FLRT2: variants seen among roughly 807,000 people sequenced by gnomAD.
FLRT2 encodes fibronectin leucine rich transmembrane protein 2.
A neutral mutation model predicts 40.0 loss-of-function variants in FLRT2; 15 were observed. That is an observed-to-expected ratio of 0.38 (90% CI 0.25 to 0.58). FLRT2 has a LOEUF of 0.58. Among genes scored for constraint, FLRT2 ranks in the 20% least tolerant of loss-of-function variants. FLRT2 has a pLI of 0.71. For missense variants in FLRT2, 726 were observed against 840.0 expected, an observed-to-expected ratio of 0.86 and a Z score of 1.68; for synonymous variants, 380 against 336.8, an observed-to-expected ratio of 1.13 and a Z score of -1.41.
intron 1 of FLRT2, among the ~76,000 whole-genome samples, chr14:85,545,562 A>G (rs1034519403): frequency 1.5e-4 from 23 of 152,224 alleles, no homozygotes; most frequent in African/African-American, 5.1e-4. Flanking sequence ...CCAACTTTCT[A>G]TATTTGTCTT....
chr14:85,572,174 T>C (rs914834634), intron 1 of FLRT2, among the ~76,000 whole-genome samples: 2 of 152,196 alleles, frequency 1.3e-5, no homozygotes, highest in African/African-American at 2.4e-5. Context: ...TTTACTTAGA[T>C]CATAAACCTA....
intron 1 of FLRT2, among the ~76,000 whole-genome samples, chr14:85,555,706 A>ATTTTATTTTG (rs1566725173): frequency 2.5e-4 from 38 of 149,790 alleles, no homozygotes; most frequent in African/African-American, 8.8e-4. Flanking sequence ...ATTTTATTTT[A>ATTTTATTTTG]TTTTATTTTA....
intron 1 of FLRT2, among the ~76,000 whole-genome samples, chr14:85,611,915 A>ATCGT (rs1252817410): frequency 1.1e-5 from 1 of 94,824 alleles, no homozygotes; most frequent in Non-Finnish European, 2.4e-5. Context: ...CGTGCGCGAA[A>ATCGT]GCGTGTGTGT....
At position 85,630,601 on chromosome 14, in the gene FLRT2, T is replaced by G. The variant is rs2139384367; in HGVS notation, c.*7104T>G. On this transcript the variant is annotated 3_prime_UTR_variant, in exon 2 of 2. Coordinates refer to ENST00000330753, the MANE Select transcript of FLRT2 (RefSeq NM_013231.6). ...AAAAATCTTTCTTGGAAGCTGCTGG[T>G]TTTTAACCGTCAGCCTGGGCTCTTT... is the stretch of plus-strand genomic sequence containing the variant. 1 of 152,222 alleles carries G rather than the reference T, an allele frequency of 6.6e-6. No homozygotes were observed. Among genetic ancestry groups the G allele is most frequent in the South Asian group, 2.1e-4 (1 of 4,814 alleles). The allele number at this position is 152,222 out of a possible 1,614,324, so 9.4% of individuals were successfully genotyped here.
intron 1 of FLRT2, among the ~76,000 whole-genome samples, chr14:85,592,763 T>C (rs1038311370): frequency 8.1e-6 from 1 of 123,238 alleles, no homozygotes; most frequent in Non-Finnish European, 1.6e-5. Flanking sequence ...CACTCCAGCC[T>C]GGGTGACAGG....
At chr14:85,580,716 G>A (rs1310763245) in intron 1 of FLRT2, among the ~76,000 whole-genome samples, 1 of 144,546 alleles carries the variant, frequency 6.9e-6, no homozygotes, top group Non-Finnish European at 1.5e-5. Context: ...CAGGTCATGT[G>A]GGCTGGTGAG....
intron 1 of FLRT2, among the ~76,000 whole-genome samples, chr14:85,557,938 G>A (rs1890075018): frequency 1.3e-5 from 2 of 152,156 alleles, no homozygotes; most frequent in African/African-American, 2.4e-5. Flanking sequence ...TGTAGAAATG[G>A]TCAAACTGGG....
chr14:85,651,569 T>A lies in FLRT2; in HGVS notation c.*28072T>A, dbSNP rs570247534. On this transcript the variant is annotated 3_prime_UTR_variant, in exon 2 of 2. Coordinates refer to ENST00000330753, the MANE Select transcript of FLRT2 (RefSeq NM_013231.6). ...AAGATTTTAGAATACTTAACGTATG[T>A]TTTCTAATTAAGCAGTGACCCACTT... 1.9e-4 allele frequency: 29 copies of A among 152,244 alleles called. No homozygotes were observed. In the South Asian group the frequency reaches 5.4e-3, roughly 28 times the overall value. 9.4% of individuals were successfully genotyped at this position (152,244 alleles called of 1,614,324 possible). A position where few individuals can be genotyped will look rare whatever the true frequency, so the allele number is the denominator to read the frequency against.
chr14:85,559,716 C>T (rs550286934), intron 1 of FLRT2, among the ~76,000 whole-genome samples: 74 of 152,218 alleles, frequency 4.9e-4, no homozygotes, highest in Non-Finnish European at 4.4e-5. Context: ...AAGGGAGGCT[C>T]ACAGAGATAC....
In FLRT2 at chr14:85,558,340, A is replaced by T. The variant is rs150357162; in HGVS notation, c.-377+27806A>T. ...TCTTTGCATCAAAAATAAATTTTTT[A>T]AAAAAAGTAAATAAGGATAAAAGAA... is the stretch of plus-strand genomic sequence containing the variant. On this transcript the variant is annotated intron_variant, in intron 1 of 1. Transcript: ENST00000330753. Among the ~76,000 whole-genome samples the T allele has an allele frequency of 1.9e-3, 283 of 152,188 alleles. 1 individual carries two copies. Among genetic ancestry groups the T allele is most frequent in the Middle Eastern group, 3.4e-3 (1 of 292 alleles).
intron 1 of FLRT2, among the ~76,000 whole-genome samples, chr14:85,551,497 A>T (rs1191114017): frequency 6.6e-6 from 1 of 152,222 alleles, no homozygotes; most frequent in Non-Finnish European, 1.5e-5. Flanking sequence ...AAAGAAAGTA[A>T]AATGGCTCCA....
At chr14:85,558,072 G>GACTTCCGCAGAAAGCATCCGTAA (rs1890085457) in intron 1 of FLRT2, among the ~76,000 whole-genome samples, 1 of 151,884 alleles carries the variant, frequency 6.6e-6, no homozygotes. Flanking sequence ...AGCATCCGTA[G>GACTTCCGCAGAAAGCATCCGTAA]ACTTCCGTAG....
At position 85,646,379 on chromosome 14, in the gene FLRT2, CAG is replaced by C. The variant is rs745442257; in HGVS notation, c.*22884_*22885del. The C allele has an allele frequency of 9.9e-5, 15 of 152,252 alleles. No individual in the cohort carries two copies. In the East Asian group the frequency reaches 2.1e-3, roughly 22 times the overall value. The allele number at this position is 152,252 out of a possible 1,614,324, so 9.4% of individuals were successfully genotyped here. A position where few individuals can be genotyped will look rare whatever the true frequency, so the allele number is the denominator to read the frequency against. ...GAAATACCAAAGCTCATGGTAATCT[CAG>C]ATGTCATTGGACAGAGAAGCTCACA... is the stretch of plus-strand genomic sequence containing the variant. On this transcript the variant is annotated 3_prime_UTR_variant, in exon 2 of 2. Coordinates refer to ENST00000330753, the MANE Select transcript of FLRT2 (RefSeq NM_013231.6).
intron 1 of FLRT2, among the ~76,000 whole-genome samples, chr14:85,546,799 G>C (rs1889305153): frequency 6.6e-6 from 1 of 152,162 alleles, no homozygotes; most frequent in Non-Finnish European, 1.5e-5. Context: ...GAACTCACTT[G>C]GGTTTTCCAC....
At position 85,632,456 on chromosome 14, in the gene FLRT2, G is replaced by A. The variant is rs1176698437; in HGVS notation, c.*8959G>A. Reference sequence around the variant, plus strand: ...CATTGCACTCCAGCCTGGTGACAGAGTGAGACTCAAAAAAAAAAAAAAAAA... The same window carrying A: ...CATTGCACTCCAGCCTGGTGACAGAATGAGACTCAAAAAAAAAAAAAAAAA... On this transcript the variant is annotated 3_prime_UTR_variant, in exon 2 of 2. Transcript: ENST00000330753. The A allele has an allele frequency of 5.1e-5, 6 of 118,650 alleles. No individual in the cohort carries two copies. Among genetic ancestry groups the A allele is most frequent in the Non-Finnish European group, 8.3e-5 (5 of 60,134 alleles). 7.3% of individuals were successfully genotyped at this position (118,650 alleles called of 1,614,324 possible).
chr14:85,534,346 C>T (rs893890506), intron 1 of FLRT2, among the ~76,000 whole-genome samples: 2 of 152,266 alleles, frequency 1.3e-5, no homozygotes, highest in East Asian at 1.9e-4. Context: ...CACTCTCACC[C>T]GTTTAGCATT....
chr14:85,652,529 C>T lies in FLRT2; in HGVS notation c.*29032C>T, dbSNP rs1024788084. On this transcript the variant is annotated 3_prime_UTR_variant, in exon 2 of 2. Coordinates refer to ENST00000330753, the MANE Select transcript of FLRT2 (RefSeq NM_013231.6). ...TTCATCTGATTAAACAAACAAAAAA[C>T]CCATCTTTATTTTTAGACTAAAAGC... 2 of 150,708 alleles carry T rather than the reference C, an allele frequency of 1.3e-5. No individual in the cohort carries two copies. Among genetic ancestry groups the T allele is most frequent in the Non-Finnish European group, 3.0e-5 (2 of 67,694 alleles). The allele number at this position is 150,708 out of a possible 1,614,324, so 9.3% of individuals were successfully genotyped here.
intron 1 of FLRT2, among the ~76,000 whole-genome samples, chr14:85,570,544 C>A (rs1890840493): frequency 6.9e-6 from 1 of 145,762 alleles, no homozygotes; most frequent in Non-Finnish European, 1.5e-5. Flanking sequence ...CCTTTAAATT[C>A]TCCTTATTTT....
At chr14:85,555,692 TTTTA>T (rs747157190) in intron 1 of FLRT2, among the ~76,000 whole-genome samples, 29,983 of 147,688 alleles carry the variant, frequency 0.2, 3,751 homozygotes, top group Non-Finnish European at 0.26. Context: ...CTGAAATCTA[TTTTA>T]TTTTATTTTA....
Sources: gnomAD v4.1 joint callset for allele counts (sites outside exome capture counted in the v4.1 genomes callset) on GRCh38, gnomAD v4.1.1 for gene constraint, MANE v1.5 for transcripts, NCBI Gene and HGNC (gene_info 2026-07-23, HGNC 2026-07-21) for gene names.